The following ZBTB26 variants were observed in gnomAD, a reference collection of about 807,000 sequenced individuals.
The protein encoded by ZBTB26 is zinc finger and BTB domain containing 26.
ZBTB26 carries 12 observed loss-of-function variants against 31.6 expected under a neutral mutation model. The ratio of observed to expected loss-of-function variants is 0.38; its 90% confidence interval spans 0.24 to 0.61. ZBTB26 has a LOEUF of 0.61. Ranked by LOEUF, ZBTB26 falls within the 20% of genes least tolerant of loss-of-function variation. The pLI, the probability that ZBTB26 is intolerant of heterozygous loss-of-function variation, is 0.60. For missense variants in ZBTB26, 311 were observed against 521.9 expected (o/e 0.60, Z 3.94); for synonymous variants, 155 against 182.9 (o/e 0.85, Z 1.23).
At chr9:122,924,427 A>C (rs1833146777) in intron 1 of ZBTB26, among the ~76,000 whole-genome samples, 1 of 152,134 alleles carries the variant, frequency 6.6e-6, no homozygotes, top group Admixed American at 6.6e-5. Context: ...ATGGTTTGTT[A>C]TACTTTATAC....
rs1281736302 is a variant in ZBTB26, at chr9:122,918,321, G to A, written c.*288C>T. On this transcript the variant is annotated 3_prime_UTR_variant, in exon 2 of 2. Coordinates refer to ENST00000373656, the MANE Select transcript of ZBTB26 (RefSeq NM_020924.4). ...TGTGCCTAGTGAAAAGCCTAAAACA[G>A]TGTCAGTCTAAGACATAAGTCAATG... The A allele has an allele frequency of 2.8e-6, 1 of 355,492 alleles. No homozygotes were observed. The highest frequency in any genetic ancestry group is 2.1e-5 in the African/African-American group (1 of 47,632). The allele number at this position is 355,492 out of a possible 1,614,324, so 22.0% of individuals were successfully genotyped here. A position where few individuals can be genotyped will look rare whatever the true frequency, so the allele number is the denominator to read the frequency against.
chr9:122,929,867 A>T (rs1386412410), intron 1 of ZBTB26, among the ~76,000 whole-genome samples: 2 of 152,146 alleles, frequency 1.3e-5, no homozygotes, highest in Non-Finnish European at 2.9e-5. Context: ...GCATGAATTG[A>T]TCCAGTGGTC....
At position 122,919,896 on chromosome 9, in the gene ZBTB26, T is replaced by G. The variant is rs1418537801; in HGVS notation, c.39A>C (p.Glu13Asp). ...ERSDLLHFKF[E>D]NYGDSMLQKM... Reference sequence around the variant, plus strand: ...TTTGTAACATTGAATCTCCATAATTTTCAAACTTGAAGTGAAGGAGATCTG... The same window carrying G: ...TTTGTAACATTGAATCTCCATAATTGTCAAACTTGAAGTGAAGGAGATCTG... Residue 13 changes from glutamate to aspartate, a missense_variant, in exon 2 of 2, where the codon GAA (glutamate) becomes GAC (aspartate). Physicochemically the swap from Glu to Asp is conservative, Grantham distance 45. Coordinates refer to ENST00000373656, the MANE Select transcript of ZBTB26 (RefSeq NM_020924.4). This position sits in a 1 kb window ranked among gnomAD's most constrained non-coding sequence, Gnocchi z 6.1. 1.9e-6 allele frequency: 3 copies of G among 1,606,206 alleles called. No homozygotes were observed. The Admixed American group carries it at 5.1e-5, about 27-fold the overall frequency.
At chr9:122,930,320 ACTT>A (rs1309644856) in intron 1 of ZBTB26, among the ~76,000 whole-genome samples, 1 of 152,184 alleles carries the variant, frequency 6.6e-6, no homozygotes, top group Admixed American at 6.5e-5. Flanking sequence ...GGTCCCTCAC[ACTT>A]CTTCAGCATT....
chr9:122,927,150 A>C (rs1401838916), intron 1 of ZBTB26, among the ~76,000 whole-genome samples: 1 of 152,184 alleles, frequency 6.6e-6, no homozygotes, highest in Non-Finnish European at 1.5e-5. Context: ...AGTTACTGAG[A>C]TTAAATCTGA....
intron 1 of ZBTB26, among the ~76,000 whole-genome samples, chr9:122,930,699 C>T (rs1833261618): frequency 6.6e-6 from 1 of 152,140 alleles, no homozygotes; most frequent in Admixed American, 6.5e-5. Flanking sequence ...AGGAGTCCCC[C>T]CATTTCCTCC....
chr9:122,919,182 G>T lies in ZBTB26; in HGVS notation c.753C>A (p.Ile251=). Reference sequence around the variant, plus strand: ...GGCCAAAGACATCTTTTGAGGCCATGATGATGTTATCACTGCCTGTATAAG... The same window carrying T: ...GGCCAAAGACATCTTTTGAGGCCATTATGATGTTATCACTGCCTGTATAAG... The part of the protein sequence containing the change: ...ALSYTGSDNI[I]MASKDVFGPN... Residue 251 remains isoleucine (I), a synonymous_variant, in exon 2 of 2, where the codon ATC becomes ATA. Transcript: ENST00000373656. The surrounding 1 kb of genome is among the most constrained non-coding windows in gnomAD (Gnocchi z 6.1). 6.2e-7 allele frequency: 1 copy of T among 1,614,216 alleles called. No individual in the cohort carries two copies. Among genetic ancestry groups the T allele is most frequent in the Non-Finnish European group, 8.5e-7 (1 of 1,180,040 alleles).
intron 1 of ZBTB26, among the ~76,000 whole-genome samples, chr9:122,927,977 G>A (rs923699744): frequency 4.6e-5 from 7 of 152,118 alleles, no homozygotes; most frequent in African/African-American, 1.7e-4. Flanking sequence ...TAGGATTACA[G>A]GCATGCACCA....
rs145703832 is a variant in ZBTB26 at position 122,929,371 on chromosome 9, T to A, written c.-11+2066A>T. On this transcript the variant is annotated intron_variant, in intron 1 of 1. Transcript: ENST00000373656. Reference sequence around the variant, plus strand: ...CTCTTTCCAAGCCTCTCCATTCTTATCAATGAGCCTCTCTTTGCTTAAATG... The same window carrying A: ...CTCTTTCCAAGCCTCTCCATTCTTAACAATGAGCCTCTCTTTGCTTAAATG... 8.0e-3 allele frequency among the ~76,000 whole-genome samples: 1,213 copies of A among 152,316 alleles called. 6 individuals carry two copies. Among genetic ancestry groups the A allele is most frequent in the South Asian group, 0.017 (81 of 4,820 alleles).
chr9:122,929,196 G>T (rs570160778), intron 1 of ZBTB26, among the ~76,000 whole-genome samples: 4 of 152,332 alleles, frequency 2.6e-5, no homozygotes, highest in South Asian at 2.1e-4. Flanking sequence ...ATGAAGAAAA[G>T]ATCTGATTAC....
At chr9:122,926,473 C>G (rs1833182898) in intron 1 of ZBTB26, among the ~76,000 whole-genome samples, 1 of 149,518 alleles carries the variant, frequency 6.7e-6, no homozygotes, top group Non-Finnish European at 1.5e-5. Context: ...TGCCACTGCA[C>G]TCCAGCCTGG....
chr9:122,927,793 C>T (rs1428696476), intron 1 of ZBTB26, among the ~76,000 whole-genome samples: 1 of 152,006 alleles, frequency 6.6e-6, no homozygotes, highest in East Asian at 1.9e-4. Flanking sequence ...AAGTTTGATC[C>T]TTCCTGACTC....
In ZBTB26 at chr9:122,918,268, C is replaced by T. The variant is rs2241064; in HGVS notation, c.*341G>A. On this transcript the variant is annotated 3_prime_UTR_variant, in exon 2 of 2. Coordinates refer to ENST00000373656, the MANE Select transcript of ZBTB26 (RefSeq NM_020924.4). ...GCATCTATTAGTGGAGAGTAGGTGACGTTATTAACTTGTTGGTACCTTCGG... is the reference window on the plus strand; with the variant it reads ...GCATCTATTAGTGGAGAGTAGGTGATGTTATTAACTTGTTGGTACCTTCGG... 165,756 of 223,408 alleles carry T rather than the reference C, an allele frequency of 0.74. 64,948 individuals carry two copies. Among genetic ancestry groups the T allele is most frequent in the Non-Finnish European group, 0.86 (97,511 of 113,424 alleles). 13.8% of individuals were successfully genotyped at this position (223,408 alleles called of 1,614,324 possible).
In ZBTB26 at chr9:122,918,429, G is replaced by T; in HGVS notation, c.*180C>A. 1 of 825,026 alleles carries T rather than the reference G, an allele frequency of 1.2e-6. No individual in the cohort carries two copies. The highest frequency in any genetic ancestry group is 2.7e-5 in the East Asian group (1 of 37,378). 51.1% of individuals were successfully genotyped at this position (825,026 alleles called of 1,614,324 possible). On this transcript the variant is annotated 3_prime_UTR_variant, in exon 2 of 2. Transcript: ENST00000373656. ...TAACTCAAAACAGAAAATGGGAGAGGGCAAAAGTAAGGCAAATCCACTCCA... is the reference window on the plus strand; with the variant it reads ...TAACTCAAAACAGAAAATGGGAGAGTGCAAAAGTAAGGCAAATCCACTCCA...
chr9:122,927,338 C>T (rs1026739969), intron 1 of ZBTB26, among the ~76,000 whole-genome samples: 3 of 152,162 alleles, frequency 2.0e-5, no homozygotes, highest in African/African-American at 4.8e-5. Flanking sequence ...ACTGAATATT[C>T]CAGGTGGGAC....
In ZBTB26 at chr9:122,919,238, C is replaced by T; in HGVS notation, c.697G>A (p.Glu233Lys). The T allele has an allele frequency of 6.2e-7, 1 of 1,614,164 alleles. No individual in the cohort carries two copies. The highest frequency in any genetic ancestry group is 1.1e-5 in the South Asian group (1 of 91,078). The change falls in exon 2 of 2, where the codon GAA (glutamate) becomes AAA (lysine). Residue 233 changes from glutamate (E) to lysine (K), a missense_variant. Physicochemically the swap from Glu to Lys is moderately conservative, Grantham distance 56. Around this residue, in one of 5 missense-constraint regions of ZBTB26, gnomAD observed 207 missense variants for 298.6 expected, o/e 0.69. Coordinates refer to ENST00000373656, the MANE Select transcript of ZBTB26 (RefSeq NM_020924.4). This position sits in a 1 kb window ranked among gnomAD's most constrained non-coding sequence, Gnocchi z 6.1. ...GCATAATTGTGGAGATGGTTTTGTT[C>T]TATTTCACTTACTCTGTTTTCCACA... ...STVENRVSEI[E>K]QNHLHNYALS...
At chr9:122,925,065 G>T (rs1833157062) in intron 1 of ZBTB26, among the ~76,000 whole-genome samples, 1 of 152,120 alleles carries the variant, frequency 6.6e-6, no homozygotes, top group African/African-American at 2.4e-5. Context: ...TTCAGGTATA[G>T]ATGTTATACC....
intron 1 of ZBTB26, among the ~76,000 whole-genome samples, chr9:122,928,595 C>G (rs58553717): frequency 0.017 from 2,619 of 152,258 alleles, 84 homozygotes; most frequent in African/African-American, 0.06. Context: ...GGGTAAGTAT[C>G]TCTTTCAAAG....
intron 1 of ZBTB26, among the ~76,000 whole-genome samples, chr9:122,920,608 A>C (rs1833080839): frequency 6.6e-6 from 1 of 152,248 alleles, no homozygotes. Flanking sequence ...TTCTGCAATA[A>C]AATGAAAGTC....
Sources: gnomAD v4.1 joint callset for allele counts (sites outside exome capture counted in the v4.1 genomes callset) on GRCh38, gnomAD v4.1.1 for gene constraint, gnomAD v4.1.1 regional missense constraint, Gnocchi (gnomAD v3.1) non-coding constraint, MANE v1.5 for transcripts, NCBI Gene and HGNC (gene_info 2026-07-23, HGNC 2026-07-21) for gene names.